RNF166: variants seen among roughly 807,000 people sequenced by gnomAD.
RNF166 encodes the protein E3 ubiquitin-protein ligase RNF166.
In RNF166, 19 loss-of-function variants were observed where a neutral mutation model predicts 29.4. The observed-to-expected ratio is 0.65, with a 90% CI of 0.45 to 0.95. The LOEUF (loss-of-function observed/expected upper bound fraction) is 0.95, where lower values mean the gene tolerates loss of function less well. Ranked by LOEUF, RNF166 falls within the 40% of genes least tolerant of loss-of-function variation. The pLI, the probability that RNF166 is intolerant of heterozygous loss-of-function variation, is 0.00. For missense variants in RNF166, 347 were observed against 322.1 expected (o/e 1.08, Z -0.59); for synonymous variants, 171 against 134.5 (o/e 1.27, Z -1.88).
chr16:88,704,795 G>A (rs1910607125), intron 1 of RNF166, among the ~76,000 whole-genome samples: 1 of 152,202 alleles, frequency 6.6e-6, no homozygotes, highest in Non-Finnish European at 1.5e-5. Context: ...TTCGAGACCA[G>A]CCTGGCCAAC....
intron 3 of RNF166, among the ~76,000 whole-genome samples, chr16:88,699,316 C>T (rs898903229): frequency 2.0e-5 from 3 of 152,256 alleles, no homozygotes; most frequent in African/African-American, 4.8e-5. Context: ...ACTCTGCTGG[C>T]GCTGCCCTGG....
At chr16:88,701,116 G>C (rs1910176616) in intron 2 of RNF166, 146 bp downstream of exon 2, 2 of 1,263,298 alleles carry the variant, frequency 1.6e-6, no homozygotes, top group South Asian at 2.9e-5. Context: ...GGAGGCGCCG[G>C]GGCTGGCTTC....
chr16:88,699,166 G>A (rs1597403540), intron 3 of RNF166, 81 bp from the exon 4 acceptor site: 1 of 1,010,634 alleles, frequency 9.9e-7, no homozygotes, highest in East Asian at 2.6e-5. Flanking sequence ...ACACAGGCGT[G>A]GCCCCAGGCC....
chr16:88,697,896 G>C lies in RNF166; in HGVS notation c.649-263C>G, dbSNP rs116716291. On this transcript the variant is annotated intron_variant, in intron 5 of 5. Coordinates refer to ENST00000312838, the MANE Select transcript of RNF166 (RefSeq NM_178841.4). The stretch of plus-strand genomic sequence containing the variant: ...GGTTCAGGTCGGACTCTAAGCCCGG[G>C]GTTTCCGAGGTGAGCAGGCCGGCCA... 6.4e-3 allele frequency: 3,176 copies of C among 493,876 alleles called. 93 individuals carry two copies. The highest frequency in any genetic ancestry group is 0.057 in the African/African-American group (2,907 of 50,924). 30.6% of individuals were successfully genotyped at this position (493,876 alleles called of 1,614,324 possible).
At position 88,699,983 on chromosome 16, in the gene RNF166, G is replaced by A. The variant is rs758180011; in HGVS notation, c.313-251C>T. The A allele has an allele frequency of 1.7e-4, 64 of 374,604 alleles. 1 individual carries two copies. The Admixed American group carries it at 2.0e-3, about 12-fold the overall frequency. 23.2% of individuals were successfully genotyped at this position (374,604 alleles called of 1,614,324 possible). A position where few individuals can be genotyped will look rare whatever the true frequency, so the allele number is the denominator to read the frequency against. ...AGAAACCTGGCTGGAGAAGGGTAGCGGGAAACAGGTAAGGAGATCTCTGGC... is the reference window on the plus strand; with the variant it reads ...AGAAACCTGGCTGGAGAAGGGTAGCAGGAAACAGGTAAGGAGATCTCTGGC... On this transcript the variant is annotated intron_variant, in intron 2 of 5. Coordinates refer to ENST00000312838, the MANE Select transcript of RNF166 (RefSeq NM_178841.4).
chr16:88,703,534 C>A, intron 1 of RNF166: 2 of 985,418 alleles, frequency 2.0e-6, no homozygotes, highest in Non-Finnish European at 1.2e-6. Flanking sequence ...GGAGGCAGAA[C>A]GAGGCACCCA....
At chr16:88,702,584 A>G (rs958476412) in intron 1 of RNF166, among the ~76,000 whole-genome samples, 4 of 152,134 alleles carry the variant, frequency 2.6e-5, no homozygotes, top group African/African-American at 9.7e-5. Flanking sequence ...GTGGCCAAGC[A>G]GGCATCTTAA....
intron 4 of RNF166, 41 bp from the exon 5 acceptor site, chr16:88,698,650 G>T: frequency 7.0e-7 from 1 of 1,435,496 alleles, no homozygotes; most frequent in Non-Finnish European, 9.4e-7. Context: ...GGACCGCGGA[G>T]AGGCGGGGTA....
At position 88,700,630 on chromosome 16, in the gene RNF166, A is replaced by G. The variant is rs547444474; in HGVS notation, c.312+632T>C. ...AATGCAAAATCACCTCTAGCTGCTC[A>G]GTCCTCCGGAAGCCACTGAAAGAAC... On this transcript the variant is annotated intron_variant, in intron 2 of 5. Transcript: ENST00000312838. The G allele has an allele frequency of 6.1e-6, 6 of 986,380 alleles. No homozygotes were observed. In the South Asian group the frequency reaches 2.8e-4, roughly 46 times the overall value. 61.1% of individuals were successfully genotyped at this position (986,380 alleles called of 1,614,324 possible). A position where few individuals can be genotyped will look rare whatever the true frequency, so the allele number is the denominator to read the frequency against.
chr16:88,703,876 C>G (rs911929815), intron 1 of RNF166: 1 of 985,462 alleles, frequency 1.0e-6, no homozygotes, highest in Non-Finnish European at 1.2e-6. Context: ...CAGGCCAGCA[C>G]CCTCAGCAAG....
intron 1 of RNF166, chr16:88,703,507 G>A: frequency 1.0e-6 from 1 of 985,434 alleles, no homozygotes; most frequent in Non-Finnish European, 1.2e-6. Flanking sequence ...TGGCAGGGCG[G>A]CTGGGCCCGA....
chr16:88,698,182 G>A (rs1053672166), intron 5 of RNF166: 7 of 606,096 alleles, frequency 1.2e-5, no homozygotes, highest in East Asian at 5.5e-5. Context: ...AGTCCTTCCC[G>A]CGCTCTCTAG....
At chr16:88,703,905 C>T (rs963969058) in intron 1 of RNF166, 15 of 985,328 alleles carry the variant, frequency 1.5e-5, no homozygotes, top group South Asian at 1.4e-4. Context: ...CTGTCCTGCA[C>T]GAGTGGAGGC....
At chr16:88,702,882 G>GA (rs1223834258) in intron 1 of RNF166, 12 of 985,416 alleles carry the variant, frequency 1.2e-5, no homozygotes, top group African/African-American at 1.7e-5. Flanking sequence ...TTCACGGGAG[G>GA]AAGGTGCTGG....
At chr16:88,698,301 G>A (rs1309654181) in intron 5 of RNF166, 10 of 703,610 alleles carry the variant, frequency 1.4e-5, no homozygotes, top group Non-Finnish European at 2.1e-5. Context: ...GCACCCTCTA[G>A]TGGCCACTCA....
In RNF166 at chr16:88,706,276, G is replaced by C; in HGVS notation, c.50C>G (p.Pro17Arg). ...LVASAQQRQP[P>R]AGPAGGDSGL... Reference sequence around the variant, plus strand: ...GCTGTCGCCGCCCGCCGGCCCGGCCGGCGGCTGCCGCTGCTGAGCCGAGGC... The same window carrying C: ...GCTGTCGCCGCCCGCCGGCCCGGCCCGCGGCTGCCGCTGCTGAGCCGAGGC... The change falls in exon 1 of 6, where the codon CCG (proline) becomes CGG (arginine). Residue 17 changes from proline to arginine, a missense_variant. Transcript: ENST00000312838. The C allele has an allele frequency of 1.7e-5, 22 of 1,296,242 alleles. No individual in the cohort carries two copies. Among genetic ancestry groups the C allele is most frequent in the Non-Finnish European group, 2.2e-5 (22 of 1,021,018 alleles). The allele number at this position is 1,296,242 out of a possible 1,614,324, so 80.3% of individuals were successfully genotyped here.
chr16:88,702,218 G>A (rs1260897066), intron 1 of RNF166, among the ~76,000 whole-genome samples: 1 of 152,134 alleles, frequency 6.6e-6, no homozygotes, highest in Admixed American at 6.5e-5. Context: ...GGAGCACCAG[G>A]CGCGAGAGCC....
At position 88,697,522 on chromosome 16, in the gene RNF166, G is replaced by A. The variant is rs933324991; in HGVS notation, c.*46C>T. 6 of 1,420,556 alleles carry A rather than the reference G, an allele frequency of 4.2e-6. No individual in the cohort carries two copies. The highest frequency in any genetic ancestry group is 1.4e-5 in the African/African-American group (1 of 70,528). 88.0% of individuals were successfully genotyped at this position (1,420,556 alleles called of 1,614,324 possible). A position where few individuals can be genotyped will look rare whatever the true frequency, so the allele number is the denominator to read the frequency against. On this transcript the variant is annotated 3_prime_UTR_variant, in exon 6 of 6. Coordinates refer to ENST00000312838, the MANE Select transcript of RNF166 (RefSeq NM_178841.4). Reference sequence around the variant, plus strand: ...CAGGTGCCAGGTGCGACACAGGAGCGGGGACATCCCTGACCCCAGACGCAG... The same window carrying A: ...CAGGTGCCAGGTGCGACACAGGAGCAGGGACATCCCTGACCCCAGACGCAG...
At chr16:88,701,490 C>G in intron 1 of RNF166, 72 bp from the exon 2 acceptor site, 1 of 1,401,526 alleles carries the variant, frequency 7.1e-7, no homozygotes, top group Non-Finnish European at 9.4e-7. Context: ...GCTCGGGGCC[C>G]TTCTTAGGAC....
Sources: gnomAD v4.1 joint callset for allele counts (sites outside exome capture counted in the v4.1 genomes callset) on GRCh38, gnomAD v4.1.1 for gene constraint, MANE v1.5 for transcripts, NCBI Gene and HGNC (gene_info 2026-07-23, HGNC 2026-07-21) for gene names.